SPTAN1: variants seen among roughly 807,000 people sequenced by gnomAD.
The protein encoded by SPTAN1 is spectrin alpha, non-erythrocytic 1, also known as spectrin alpha chain, non-erythrocytic 1.
A neutral mutation model predicts 331.3 loss-of-function variants in SPTAN1; 61 were observed. The ratio of observed to expected loss-of-function variants is 0.18; its 90% CI spans 0.15 to 0.23. SPTAN1 has a LOEUF of 0.23. SPTAN1 is among the 10% of genes least tolerant of loss of function. SPTAN1 has a pLI of 1.00. For synonymous variants in SPTAN1, 1,153 were observed against 1,173.9 expected (o/e 0.98, Z 0.36); for missense variants, 2,043 against 3,147.9 (o/e 0.65, Z 8.40).
chr9:128,631,968 C>A, intron 52 of SPTAN1, 159 bp from the exon 53 acceptor site: 1 of 714,812 alleles, frequency 1.4e-6, no homozygotes, highest in South Asian at 1.8e-5. Flanking sequence ...GGGATTTCTT[C>A]AGCTTCACCC....
chr9:128,563,332 C>T (rs1849635536), intron 1 of SPTAN1, among the ~76,000 whole-genome samples: 1 of 151,878 alleles, frequency 6.6e-6, no homozygotes, highest in Admixed American at 6.6e-5. Context: ...GGGAGGATCG[C>T]TGGAGCCCAG....
intron 22 of SPTAN1, among the ~76,000 whole-genome samples, chr9:128,592,658 A>T (rs1326887699): frequency 6.6e-6 from 1 of 152,226 alleles, no homozygotes; most frequent in East Asian, 1.9e-4. Context: ...GTTAGCACTC[A>T]GTAAAATTTC....
At chr9:128,576,105 C>T (rs906518174) in intron 5 of SPTAN1, among the ~76,000 whole-genome samples, 9 of 152,170 alleles carry the variant, frequency 5.9e-5, no homozygotes, top group African/African-American at 1.9e-4. Flanking sequence ...AGCTTTCCTG[C>T]GGTTGAGCTT....
chr9:128,591,364 C>A, intron 21 of SPTAN1, 113 bp from the exon 22 acceptor site: 1 of 1,414,316 alleles, frequency 7.1e-7, no homozygotes, highest in Non-Finnish European at 1.0e-6. Context: ...CTGTGGCCGG[C>A]CGTTTTGGAC....
chr9:128,618,468 C>T (rs1564299054), intron 43 of SPTAN1, among the ~76,000 whole-genome samples: 1 of 151,604 alleles, frequency 6.6e-6, no homozygotes, highest in Non-Finnish European at 1.5e-5. Context: ...ACTGTGAGGG[C>T]TCACCTTTTT....
intron 1 of SPTAN1, among the ~76,000 whole-genome samples, chr9:128,557,588 C>G (rs570033690): frequency 1.3e-5 from 2 of 151,240 alleles, no homozygotes; most frequent in African/African-American, 4.9e-5. Flanking sequence ...CCCCCAAATA[C>G]CCCCAAATTT....
intron 1 of SPTAN1, among the ~76,000 whole-genome samples, chr9:128,557,905 G>A (rs1444305874): frequency 3.5e-5 from 5 of 142,904 alleles, no homozygotes; most frequent in Admixed American, 7.6e-5. Flanking sequence ...CCAGGTTCAC[G>A]CCATTCTCCT....
At chr9:128,605,604 G>C in intron 31 of SPTAN1, 127 bp downstream of exon 31, 1 of 1,262,810 alleles carries the variant, frequency 7.9e-7, no homozygotes. Context: ...AGCACTTTGG[G>C]GGGCCAAGGC....
At chr9:128,611,618 G>A in intron 37 of SPTAN1, 96 bp from the exon 38 acceptor site, 1 of 1,465,886 alleles carries the variant, frequency 6.8e-7, no homozygotes, top group Non-Finnish European at 9.4e-7. Context: ...AGTTCTTTAT[G>A]TTTGCTGCCA....
At position 128,627,348 on chromosome 9, in the gene SPTAN1, A is replaced by T; in HGVS notation, c.6577-38A>T. The stretch of plus-strand genomic sequence containing the variant: ...TGAAGGAGGGGCTGGTGTCACTGCC[A>T]CAGCAGCGCACAGCATCTGCCCCCC... On this transcript the variant is annotated intron_variant, in intron 49 of 56. Transcript: ENST00000372739. The surrounding 1 kb of genome is among the most constrained non-coding windows in gnomAD (Gnocchi z 4.9). The T allele has an allele frequency of 6.5e-7, 1 of 1,528,928 alleles. No homozygotes were observed. The allele number at this position is 1,528,928 out of a possible 1,614,324, so 94.7% of individuals were successfully genotyped here. A position where few individuals can be genotyped will look rare whatever the true frequency, so the allele number is the denominator to read the frequency against.
At chr9:128,561,158 G>A (rs966355258) in intron 1 of SPTAN1, among the ~76,000 whole-genome samples, 17 of 139,632 alleles carry the variant, frequency 1.2e-4, no homozygotes, top group African/African-American at 4.0e-4. Context: ...CCACAAGGTC[G>A]AGATCAAGAT....
chr9:128,618,160 A>G, intron 43 of SPTAN1, 52 bp downstream of exon 43: 1 of 1,610,016 alleles, frequency 6.2e-7, no homozygotes, highest in Non-Finnish European at 8.5e-7. Context: ...GCCAGCACCC[A>G]AGGGCAGACT....
chr9:128,566,239 G>A (rs754586969), intron 1 of SPTAN1, among the ~76,000 whole-genome samples: 3 of 152,014 alleles, frequency 2.0e-5, no homozygotes, highest in Non-Finnish European at 4.4e-5. Flanking sequence ...TGTATTTTTA[G>A]TAGAGACGGT....
At chr9:128,615,435 A>G (rs1857046038) in intron 40 of SPTAN1, among the ~76,000 whole-genome samples, 197 bp from the exon 41 acceptor site, 1 of 152,160 alleles carries the variant, frequency 6.6e-6, no homozygotes, top group Non-Finnish European at 1.5e-5. Flanking sequence ...ATCAGTGCAA[A>G]TGTCCACACG....
At chr9:128,594,060 C>T in intron 23 of SPTAN1, 115 bp from the exon 24 acceptor site, 1 of 987,504 alleles carries the variant, frequency 1.0e-6, no homozygotes. Flanking sequence ...ATCATCATTA[C>T]AAACTCGTAG....
At chr9:128,553,741 A>G (rs1473285376) in intron 1 of SPTAN1, among the ~76,000 whole-genome samples, 2 of 152,336 alleles carry the variant, frequency 1.3e-5, no homozygotes, top group African/African-American at 4.8e-5. Flanking sequence ...AGATCCTAAA[A>G]TATTTAAGCC....
At chr9:128,582,339 A>C (rs1016321466) in intron 12 of SPTAN1, 140 bp from the exon 13 acceptor site, 11 of 765,790 alleles carry the variant, frequency 1.4e-5, no homozygotes, top group Non-Finnish European at 2.2e-5. Flanking sequence ...AAAAAATGTC[A>C]TCACCAACCT....
In SPTAN1 at chr9:128,626,576, G is replaced by A. The variant is rs748490066; in HGVS notation, c.6465G>A (p.Leu2155=). The A allele has an allele frequency of 6.2e-7, 1 of 1,613,998 alleles. No homozygotes were observed. The highest frequency in any genetic ancestry group is 8.5e-7 in the Non-Finnish European group (1 of 1,179,960). ...CTGCCCAGGCTGACTTCAACCAGCT[G>A]GCCGAGCTGGACCGCCAGATCAAGA... ...LSSAQADFNQ[L]AELDRQIKSF... is the part of the protein sequence containing the mutation. Residue 2155 remains leucine, a synonymous_variant, in exon 49 of 57, where the codon CTG becomes CTA. Coordinates refer to ENST00000372739, the MANE Select transcript of SPTAN1 (RefSeq NM_001130438.3).
In SPTAN1 at chr9:128,575,218, A is replaced by G; in HGVS notation, c.524A>G (p.Glu175Gly). 1.2e-6 allele frequency: 2 copies of G among 1,614,190 alleles called. No individual in the cohort carries two copies. The highest frequency in any genetic ancestry group is 1.7e-6 in the Non-Finnish European group (2 of 1,180,040). Residue 175 changes from glutamate to glycine, a missense_variant, in exon 5 of 57, where the codon GAA (glutamate) becomes GGA (glycine). Glu to Gly is a moderately conservative substitution (Grantham distance 98). Around this residue, in one of 12 missense-constraint regions of SPTAN1, gnomAD observed 1,038 missense variants for 1,531.5 expected, o/e 0.68. Transcript: ENST00000372739. ...GAATAGGAAGCAATTGTTACTTCTGAAGAGCTGGGCCAGGATCTGGAGCAT... is the reference window on the plus strand; with the variant it reads ...GAATAGGAAGCAATTGTTACTTCTGGAGAGCTGGGCCAGGATCTGGAGCAT... ...INDKEAIVTS[E>G]ELGQDLEHVE... is the part of the protein sequence containing the mutation.
Sources: allele counts gnomAD v4.1 joint callset (sites outside exome capture counted in the v4.1 genomes callset), GRCh38; gene constraint gnomAD v4.1.1; regional missense constraint gnomAD v4.1.1; non-coding constraint Gnocchi (gnomAD v3.1); transcripts MANE v1.5; gene names NCBI Gene and HGNC (gene_info 2026-07-23, HGNC 2026-07-21).